Variants in DLG2 observed in about 807,000 individuals in gnomAD.
DLG2 encodes the protein disks large homolog 2.
Under a neutral mutation model 132.5 loss-of-function variants are expected in DLG2, and 45 were observed. The ratio of observed to expected loss-of-function variants is 0.34; its 90% CI spans 0.27 to 0.44. The LOEUF (loss-of-function observed/expected upper bound fraction) is 0.44. Ranked by LOEUF, DLG2 falls within the 20% of genes least tolerant of loss-of-function variation. DLG2 has a pLI of 1.00. For missense variants in DLG2, 1,045 were observed against 1,196.9 expected, an observed-to-expected ratio of 0.87 and a Z score of 1.87; for synonymous variants, 424 against 419.6, an observed-to-expected ratio of 1.01 and a Z score of -0.13.
chr11:84,891,874 C>G (rs962006999), intron 6 of DLG2, among the ~76,000 whole-genome samples: 1 of 152,084 alleles, frequency 6.6e-6, no homozygotes, highest in Admixed American at 6.5e-5. Flanking sequence ...TATTAAAAGT[C>G]AGATGAGGGA....
At chr11:84,116,942 A>G (rs567266743) in intron 9 of DLG2, among the ~76,000 whole-genome samples, 2 of 152,220 alleles carry the variant, frequency 1.3e-5, no homozygotes, top group East Asian at 1.9e-4. Context: ...TCCAACGCCT[A>G]TTTCTCACTG....
In DLG2 at chr11:84,086,930, T is replaced by G. The variant is rs181961456; in HGVS notation, c.749+11993A>C. On this transcript the variant is annotated intron_variant, in intron 10 of 27. Coordinates refer to ENST00000376104, the MANE Select transcript of DLG2 (RefSeq NM_001142699.3). ...AAATTGTATAATATGTGGCCTTTTT[T>G]GTCTGGCTTCTTTCACTTAGCATGT... is the stretch of plus-strand genomic sequence containing the variant. 4.0e-3 allele frequency among the ~76,000 whole-genome samples: 608 copies of G among 152,356 alleles called. 2 individuals are homozygous for G. Among genetic ancestry groups the G allele is most frequent in the Non-Finnish European group, 6.8e-3 (465 of 68,034 alleles).
intron 3 of DLG2, among the ~76,000 whole-genome samples, chr11:85,426,064 C>T (rs1225299695): frequency 6.6e-6 from 1 of 152,202 alleles, no homozygotes; most frequent in Non-Finnish European, 1.5e-5. Context: ...TGAGATCAAA[C>T]TGCAAGGTGG....
chr11:84,824,636 T>C (rs905924277), intron 6 of DLG2, among the ~76,000 whole-genome samples: 1 of 151,902 alleles, frequency 6.6e-6, no homozygotes, highest in African/African-American at 2.4e-5. Flanking sequence ...CTTGGTCATA[T>C]TGTTCCCATT....
At chr11:85,356,438 A>G (rs1397079752) in intron 3 of DLG2, among the ~76,000 whole-genome samples, 3 of 152,168 alleles carry the variant, frequency 2.0e-5, no homozygotes, top group African/African-American at 7.2e-5. Context: ...TAAAGTGAAA[A>G]TGCAAGCTCC....
At chr11:83,824,230 T>C (rs934541165) in intron 17 of DLG2, among the ~76,000 whole-genome samples, 4 of 152,132 alleles carry the variant, frequency 2.6e-5, no homozygotes, top group Non-Finnish European at 5.9e-5. Flanking sequence ...TGTTGGGAAG[T>C]TTCCCCTCCA....
chr11:85,519,789 A>AAT (rs1349624130), intron 3 of DLG2, among the ~76,000 whole-genome samples: 1 of 152,058 alleles, frequency 6.6e-6, no homozygotes, highest in Non-Finnish European at 1.5e-5. Flanking sequence ...TAATTTAATC[A>AAT]TGGGGTCAGG....
At chr11:83,916,046 T>C (rs2076865465) in intron 15 of DLG2, among the ~76,000 whole-genome samples, 1 of 152,206 alleles carries the variant, frequency 6.6e-6, no homozygotes, top group Admixed American at 6.5e-5. Flanking sequence ...TTTCATGGTT[T>C]ACCCATGCGT....
intron 21 of DLG2, among the ~76,000 whole-genome samples, chr11:83,485,279 A>G (rs1475466524): frequency 1.3e-5 from 2 of 152,184 alleles, no homozygotes; most frequent in Non-Finnish European, 2.9e-5. Context: ...AAGACTCCCT[A>G]AGGAAATTCC....
intron 3 of DLG2, among the ~76,000 whole-genome samples, chr11:85,578,234 A>G (rs925467985): frequency 6.6e-6 from 1 of 152,194 alleles, no homozygotes; most frequent in Non-Finnish European, 1.5e-5. Flanking sequence ...ATATACAAAA[A>G]TTAACTCAAG....
chr11:83,667,182 T>C (rs1435446001), intron 18 of DLG2, among the ~76,000 whole-genome samples: 4 of 152,238 alleles, frequency 2.6e-5, no homozygotes, highest in African/African-American at 9.6e-5. Flanking sequence ...GTCTTCTGTC[T>C]ACAATGAAGT....
chr11:84,859,934 T>C (rs1410022653), intron 6 of DLG2, among the ~76,000 whole-genome samples: 1 of 152,148 alleles, frequency 6.6e-6, no homozygotes, highest in Non-Finnish European at 1.5e-5. Context: ...GCAGCCTCTC[T>C]GACTTCTTGA....
intron 18 of DLG2, among the ~76,000 whole-genome samples, chr11:83,726,369 C>A (rs559949626): frequency 2.6e-5 from 4 of 152,160 alleles, no homozygotes; most frequent in Non-Finnish European, 5.9e-5. Flanking sequence ...ACCACACCTA[C>A]GAGCTTGGGA....
chr11:84,224,695 C>A (rs932791408), intron 8 of DLG2, among the ~76,000 whole-genome samples: 3 of 152,180 alleles, frequency 2.0e-5, no homozygotes, highest in African/African-American at 7.2e-5. Context: ...CAAATCCCTG[C>A]AGTTTGGCTT....
intron 5 of DLG2, among the ~76,000 whole-genome samples, chr11:85,134,255 C>CT (rs575257650): frequency 3.2e-3 from 464 of 145,506 alleles, no homozygotes; most frequent in Middle Eastern, 7.2e-3. Flanking sequence ...CCACCACCCT[C>CT]TTTTTTTTTT....
intron 16 of DLG2, among the ~76,000 whole-genome samples, chr11:83,847,275 T>C (rs1286431593): frequency 6.6e-6 from 1 of 152,202 alleles, no homozygotes; most frequent in Non-Finnish European, 1.5e-5. Context: ...AGCTGGGGCA[T>C]TAGCAAAACT....
At chr11:84,631,727 A>C (rs1172000394) in intron 6 of DLG2, among the ~76,000 whole-genome samples, 1 of 152,222 alleles carries the variant, frequency 6.6e-6, no homozygotes, top group East Asian at 1.9e-4. Context: ...ACTGAAAAGA[A>C]AGTTTTAAAA....
At chr11:85,010,090 T>C (rs957272157) in intron 6 of DLG2, among the ~76,000 whole-genome samples, 2 of 152,046 alleles carry the variant, frequency 1.3e-5, no homozygotes, top group African/African-American at 2.4e-5. Flanking sequence ...AATTCAACCT[T>C]TGGAGGAACG....
intron 9 of DLG2, among the ~76,000 whole-genome samples, chr11:84,107,738 G>C (rs1362016615): frequency 6.6e-6 from 1 of 152,104 alleles, no homozygotes; most frequent in Non-Finnish European, 1.5e-5. Context: ...TAAGGTAGAG[G>C]AGAAGGAGGC....
Sources: allele counts gnomAD v4.1 joint callset (sites outside exome capture counted in the v4.1 genomes callset), GRCh38; gene constraint gnomAD v4.1.1; transcripts MANE v1.5; gene names NCBI Gene and HGNC (gene_info 2026-07-23, HGNC 2026-07-21).